MCC: variants seen among roughly 807,000 people sequenced by gnomAD.
MCC encodes the protein MCC regulator of Wnt signaling pathway, also known as colorectal mutant cancer protein.
Under a neutral mutation model 116.2 loss-of-function variants are expected in MCC, and 90 were observed. The observed-to-expected ratio is 0.77, with a 90% CI of 0.65 to 0.92. MCC has a LOEUF of 0.92. Among genes scored for constraint, MCC ranks in the 40% least tolerant of loss-of-function variants. The probability of loss-of-function intolerance (pLI) is 0.00; values close to 1 mark genes in which losing one functional copy is unlikely to be tolerated. For missense variants in MCC, 1,516 were observed against 1,312.2 expected (o/e 1.16, Z -2.40); for synonymous variants, 578 against 510.5 (o/e 1.13, Z -1.78).
chr5:113,460,859 C>T (rs1485994809), intron 1 of MCC, among the ~76,000 whole-genome samples: 1 of 152,224 alleles, frequency 6.6e-6, no homozygotes, highest in East Asian at 1.9e-4. Flanking sequence ...ACTGCAGAAT[C>T]TAAATTTGCA....
At chr5:113,379,627 T>A (rs1034020686) in intron 2 of MCC, among the ~76,000 whole-genome samples, 37 of 152,218 alleles carry the variant, frequency 2.4e-4, no homozygotes, top group African/African-American at 8.4e-4. Context: ...CTAGTAATTT[T>A]AAAACATTTG....
intron 3 of MCC, among the ~76,000 whole-genome samples, chr5:113,228,136 A>C (rs772003469): frequency 1.3e-5 from 2 of 152,220 alleles, no homozygotes; most frequent in Non-Finnish European, 2.9e-5. Flanking sequence ...CCACAGGAGA[A>C]AACCCTTAAA....
chr5:113,117,083 G>GT (rs1757438466), intron 6 of MCC, among the ~76,000 whole-genome samples: 1 of 152,230 alleles, frequency 6.6e-6, no homozygotes, highest in South Asian at 2.1e-4. Context: ...CTAGCAAAAA[G>GT]TGAGTATTCT....
At chr5:113,369,349 G>T (rs1364430168) in intron 2 of MCC, among the ~76,000 whole-genome samples, 4 of 151,822 alleles carry the variant, frequency 2.6e-5, no homozygotes, top group Admixed American at 1.3e-4. Flanking sequence ...CACATTTGGA[G>T]ATTTTAAGGA....
chr5:113,339,808 T>C (rs1384623728), intron 3 of MCC, among the ~76,000 whole-genome samples: 1 of 152,246 alleles, frequency 6.6e-6, no homozygotes, highest in Non-Finnish European at 1.5e-5. Context: ...GTCAAGGTTA[T>C]TGAGATGCTT....
intron 3 of MCC, among the ~76,000 whole-genome samples, chr5:113,335,819 T>C (rs1026888725): frequency 2.0e-5 from 3 of 151,690 alleles, no homozygotes; most frequent in Non-Finnish European, 4.4e-5. Context: ...TGTATGGCCA[T>C]GAGAGACATT....
At chr5:113,177,134 T>C (rs1313913895) in intron 3 of MCC, among the ~76,000 whole-genome samples, 2 of 152,158 alleles carry the variant, frequency 1.3e-5, no homozygotes, top group African/African-American at 4.8e-5. Context: ...CTGGAAAGAC[T>C]TCTTGAGTCC....
Position 113,456,555 on chromosome 5 carries a change from C to T in MCC, c.170+31690G>A, listed in dbSNP as rs1013346164. ...CACTGCAAGCTCTGCCTCCCAGGTT[C>T]ACGCCATTCTCCTGCCTCAGCCTCT... On this transcript the variant is annotated intron_variant, in intron 1 of 18. Transcript: ENST00000408903. Among the ~76,000 whole-genome samples the T allele has an allele frequency of 2.0e-5, 3 of 150,660 alleles. No homozygotes were observed. In the East Asian group the frequency reaches 5.9e-4, roughly 29 times the overall value.
At chr5:113,092,471 G>T (rs1755710328) in intron 8 of MCC, among the ~76,000 whole-genome samples, 1 of 152,202 alleles carries the variant, frequency 6.6e-6, no homozygotes, top group Non-Finnish European at 1.5e-5. Context: ...AGGACTGTAA[G>T]ATGATAAATT....
rs1159983753 is a variant in MCC at position 113,411,368 on chromosome 5, C to A, written c.171-26156G>T. Among the ~76,000 whole-genome samples the A allele has an allele frequency of 7.2e-5, 11 of 152,190 alleles. No individual in the cohort carries two copies. In the East Asian group the frequency reaches 2.1e-3, roughly 29 times the overall value. ...TTCTCTGATGACCAGTGATGATGAG[C>A]ATTTTTTCATGTGTCTGTTGGCTGC... On this transcript the variant is annotated intron_variant, in intron 1 of 18. Transcript: ENST00000408903.
intron 3 of MCC, among the ~76,000 whole-genome samples, chr5:113,206,890 A>C (rs917864152): frequency 3.3e-5 from 5 of 152,172 alleles, no homozygotes; most frequent in African/African-American, 1.2e-4. Context: ...CTGTGATGTA[A>C]GCAAGACAGG....
intron 3 of MCC, among the ~76,000 whole-genome samples, chr5:113,213,938 T>C (rs1200852646): frequency 6.6e-6 from 1 of 152,174 alleles, no homozygotes; most frequent in Non-Finnish European, 1.5e-5. Context: ...TTATTTTTTT[T>C]CTCCACTTCC....
chr5:113,218,495 G>T (rs1438918209), intron 3 of MCC, among the ~76,000 whole-genome samples: 1 of 152,174 alleles, frequency 6.6e-6, no homozygotes, highest in Non-Finnish European at 1.5e-5. Context: ...TCAGTTAAGT[G>T]TATTAGGGTT....
chr5:113,073,924 C>A (rs926166453), intron 11 of MCC, among the ~76,000 whole-genome samples: 1 of 152,212 alleles, frequency 6.6e-6, no homozygotes, highest in African/African-American at 2.4e-5. Flanking sequence ...AGGAGACCTG[C>A]CTGCCTCTGT....
At chr5:113,268,467 A>G (rs1376148176) in intron 3 of MCC, among the ~76,000 whole-genome samples, 2 of 152,196 alleles carry the variant, frequency 1.3e-5, no homozygotes, top group African/African-American at 4.8e-5. Context: ...TCTACCTACC[A>G]TTAGTAGTCT....
At chr5:113,235,990 C>T (rs555340822) in intron 3 of MCC, among the ~76,000 whole-genome samples, 2 of 152,254 alleles carry the variant, frequency 1.3e-5, no homozygotes, top group Admixed American at 6.5e-5. Flanking sequence ...GTGATGTTCC[C>T]GCTACCATTT....
intron 4 of MCC, among the ~76,000 whole-genome samples, chr5:113,145,090 T>C (rs1009237493): frequency 2.0e-5 from 3 of 152,204 alleles, no homozygotes; most frequent in African/African-American, 7.2e-5. Context: ...TTTCTATCAA[T>C]AAATGAAAGA....
chr5:113,442,659 T>C (rs967418516), intron 1 of MCC, among the ~76,000 whole-genome samples: 6 of 152,258 alleles, frequency 3.9e-5, no homozygotes, highest in African/African-American at 1.4e-4. Context: ...TTAATCCATC[T>C]TGAGTTAATT....
At chr5:113,220,189 C>G (rs888842009) in intron 3 of MCC, among the ~76,000 whole-genome samples, 5 of 131,708 alleles carry the variant, frequency 3.8e-5, no homozygotes, top group African/African-American at 1.2e-4. Flanking sequence ...TCCTCAGTAG[C>G]TGGGATTACA....
Sources: allele counts gnomAD v4.1 joint callset (sites outside exome capture counted in the v4.1 genomes callset), GRCh38; gene constraint gnomAD v4.1.1; transcripts MANE v1.5; gene names NCBI Gene and HGNC (gene_info 2026-07-23, HGNC 2026-07-21).